LRMDA: variants seen among roughly 807,000 people sequenced by gnomAD.
The protein encoded by LRMDA is leucine rich melanocyte differentiation associated.
In LRMDA, 18 loss-of-function variants were observed where a neutral mutation model predicts 29.8. That is an observed-to-expected ratio of 0.60 (90% CI 0.42 to 0.90). The LOEUF is 0.90. LRMDA is among the 40% of genes least tolerant of loss of function. LRMDA has a pLI of 0.00. For synonymous variants in LRMDA, 125 were observed against 109.4 expected (o/e 1.14, Z -0.89); for missense variants, 273 against 273.9 (o/e 1.00, Z 0.02).
intron 6 of LRMDA, chr10:76,403,371 G>A (rs1220485825): frequency 6.6e-6 from 1 of 151,768 alleles, no homozygotes; most frequent in Non-Finnish European, 1.5e-5. Context: ...AGGCAGGTAA[G>A]AGGGCCAAGA....
At chr10:75,535,741 G>T (rs1273371159) in intron 2 of LRMDA, among the ~76,000 whole-genome samples, 1 of 152,164 alleles carries the variant, frequency 6.6e-6, no homozygotes, top group Non-Finnish European at 1.5e-5. Flanking sequence ...AGCCATTTTG[G>T]ATAAAGTTGA....
intron 5 of LRMDA, among the ~76,000 whole-genome samples, chr10:76,122,338 T>C (rs1200435034): frequency 6.6e-6 from 1 of 151,948 alleles, no homozygotes; most frequent in Non-Finnish European, 1.5e-5. Context: ...AGCAGCCCTT[T>C]TAAACCCATC....
At chr10:76,116,325 A>G (rs1230852183) in intron 5 of LRMDA, among the ~76,000 whole-genome samples, 1 of 152,240 alleles carries the variant, frequency 6.6e-6, no homozygotes, top group African/African-American at 2.4e-5. Context: ...TTAATTCTGT[A>G]AATTTACAGA....
At chr10:75,636,495 T>C (rs1841391586) in intron 2 of LRMDA, among the ~76,000 whole-genome samples, 1 of 152,224 alleles carries the variant, frequency 6.6e-6, no homozygotes, top group African/African-American at 2.4e-5. Flanking sequence ...GCTATTGATA[T>C]CATTATCACT....
chr10:75,608,720 T>A (rs1840991371), intron 2 of LRMDA, among the ~76,000 whole-genome samples: 1 of 152,134 alleles, frequency 6.6e-6, no homozygotes, highest in African/African-American at 2.4e-5. Flanking sequence ...GAAGCAGTGG[T>A]ATATTGTGAG....
intron 2 of LRMDA, among the ~76,000 whole-genome samples, chr10:75,904,862 A>T (rs147956959): frequency 1.5e-3 from 222 of 152,180 alleles, no homozygotes; most frequent in Non-Finnish European, 2.3e-3. Context: ...TCTCTTAGAG[A>T]TGGAGTCTTG....
intron 2 of LRMDA, among the ~76,000 whole-genome samples, chr10:75,456,969 C>T (rs11001397): frequency 0.46 from 69,350 of 152,120 alleles, 17,289 homozygotes; most frequent in Non-Finnish European, 0.55. Context: ...AGTCACCTCA[C>T]GTGGCGGTAA....
intron 2 of LRMDA, among the ~76,000 whole-genome samples, chr10:75,472,532 A>G (rs1190204866): frequency 6.6e-6 from 1 of 152,202 alleles, no homozygotes; most frequent in Non-Finnish European, 1.5e-5. Flanking sequence ...CTTCTTATCC[A>G]TTCCCTTTTA....
chr10:75,450,969 C>T (rs1293185482), intron 2 of LRMDA: 5 of 152,168 alleles, frequency 3.3e-5, no homozygotes, highest in African/African-American at 4.8e-5. Flanking sequence ...CATGTGATGC[C>T]GTTTCTGGGG....
chr10:76,190,896 C>T (rs749975364), intron 5 of LRMDA, among the ~76,000 whole-genome samples: 43 of 152,144 alleles, frequency 2.8e-4, no homozygotes, highest in South Asian at 2.1e-4. Flanking sequence ...TGTCAGCAGA[C>T]GTGGTTAATT....
intron 5 of LRMDA, among the ~76,000 whole-genome samples, chr10:76,174,319 TA>T (rs1850893630): frequency 6.6e-6 from 1 of 152,080 alleles, no homozygotes; most frequent in African/African-American, 2.4e-5. Context: ...AAAAAATTTT[TA>T]AAAAATTATG....
intron 6 of LRMDA, among the ~76,000 whole-genome samples, chr10:76,405,023 A>G (rs1039126556): frequency 4.6e-5 from 7 of 152,210 alleles, no homozygotes; most frequent in African/African-American, 1.4e-4. Flanking sequence ...GGCCTTCAGC[A>G]GTAACCAGAG....
chr10:75,485,340 T>C (rs1844898439), intron 2 of LRMDA, among the ~76,000 whole-genome samples: 1 of 152,128 alleles, frequency 6.6e-6, no homozygotes, highest in South Asian at 2.1e-4. Context: ...TTTTCCTTGA[T>C]TTTTGGTTTA....
intron 2 of LRMDA, among the ~76,000 whole-genome samples, chr10:75,790,332 A>G (rs1843544176): frequency 6.6e-6 from 1 of 152,256 alleles, no homozygotes; most frequent in South Asian, 2.1e-4. Context: ...CTACTGATCT[A>G]GAAGAAAGGA....
chr10:75,493,657 C>T (rs1845013199), intron 2 of LRMDA, among the ~76,000 whole-genome samples: 1 of 152,166 alleles, frequency 6.6e-6, no homozygotes, highest in South Asian at 2.1e-4. Flanking sequence ...CTCATCTTCC[C>T]TGCTGTTGGG....
chr10:75,449,242 C>G (rs923568200), intron 2 of LRMDA, among the ~76,000 whole-genome samples: 1 of 151,470 alleles, frequency 6.6e-6, no homozygotes, highest in Non-Finnish European at 1.5e-5. Context: ...AGAACACTTA[C>G]ATATGTTATC....
At chr10:76,146,231 A>G (rs1178244499) in intron 5 of LRMDA, among the ~76,000 whole-genome samples, 1 of 152,066 alleles carries the variant, frequency 6.6e-6, no homozygotes, top group Non-Finnish European at 1.5e-5. Flanking sequence ...GCTGAGATCA[A>G]TTCCTGGGTA....
At chr10:76,153,543 G>T (rs1019724258) in intron 5 of LRMDA, among the ~76,000 whole-genome samples, 8 of 152,162 alleles carry the variant, frequency 5.3e-5, no homozygotes, top group Non-Finnish European at 8.8e-5. Context: ...TGGATATCCA[G>T]TTCTCCCAGT....
At chr10:75,690,503 A>G (rs541958639) in intron 2 of LRMDA, among the ~76,000 whole-genome samples, 1 of 152,160 alleles carries the variant, frequency 6.6e-6, no homozygotes, top group African/African-American at 2.4e-5. Context: ...TTTTTTAAAG[A>G]CAGGGTCTTG....
Sources: gnomAD v4.1 joint callset for allele counts (sites outside exome capture counted in the v4.1 genomes callset) on GRCh38, gnomAD v4.1.1 for gene constraint, MANE v1.5 for transcripts, NCBI Gene and HGNC (gene_info 2026-07-23, HGNC 2026-07-21) for gene names.